E2F4: variants seen among roughly 807,000 people sequenced by gnomAD.
E2F4 encodes the protein transcription factor E2F4.
A neutral mutation model predicts 44.5 loss-of-function variants in E2F4; 16 were observed. The ratio of observed to expected loss-of-function variants is 0.36; its 90% CI spans 0.24 to 0.55. The LOEUF (loss-of-function observed/expected upper bound fraction) is 0.55. E2F4 is among the 20% of genes least tolerant of loss of function. The probability of loss-of-function intolerance (pLI) is 0.87; values close to 1 mark genes in which losing one functional copy is unlikely to be tolerated. For synonymous variants in E2F4, 242 were observed against 207.2 expected (o/e 1.17, Z -1.44); for missense variants, 473 against 522.1 (o/e 0.91, Z 0.92).
intron 1 of E2F4, 78 bp downstream of exon 1, chr16:67,192,440 C>T (rs1036690521): frequency 2.2e-6 from 3 of 1,387,374 alleles, no homozygotes; most frequent in African/African-American, 2.9e-5. Context: ...CGGGGGCGGC[C>T]CAGCTGGGTC....
intron 2 of E2F4, 31 bp downstream of exon 2, chr16:67,192,901 T>G (rs1228208415): frequency 1.4e-5 from 23 of 1,587,310 alleles, no homozygotes; most frequent in Non-Finnish European, 1.9e-5. Flanking sequence ...GGTAGTAGAG[T>G]CTCCCACCCA....
rs760143133 is a variant in E2F4 at position 67,198,203 on chromosome 16, C to T, written c.*80C>T. ...GCCTGGGGACCTCTCCCACCCGACC[C>T]CTACAGAGCTTGAGAGCCACAGACG... On this transcript the variant is annotated 3_prime_UTR_variant, in exon 10 of 10. Coordinates refer to ENST00000379378, the MANE Select transcript of E2F4 (RefSeq NM_001950.4). The T allele has an allele frequency of 7.7e-7, 1 of 1,293,100 alleles. No homozygotes were observed. The highest frequency in any genetic ancestry group is 1.2e-5 in the South Asian group (1 of 83,858). The allele number at this position is 1,293,100 out of a possible 1,614,324, so 80.1% of individuals were successfully genotyped here. A position where few individuals can be genotyped will look rare whatever the true frequency, so the allele number is the denominator to read the frequency against.
chr16:67,192,320 C>A lies in E2F4; in HGVS notation c.93C>A (p.Ser31=). 7.0e-7 allele frequency: 1 copy of A among 1,431,874 alleles called. No individual in the cohort carries two copies. Among genetic ancestry groups the A allele is most frequent in the East Asian group, 2.6e-5 (1 of 39,068 alleles). The allele number at this position is 1,431,874 out of a possible 1,614,324, so 88.7% of individuals were successfully genotyped here. ...GACTGCTCACCACCAAGTTCGTGTC[C>A]CTTCTGCAGGAGGCCAAGGACGGCG... ...SLGLLTTKFV[S]LLQEAKDGVL... is the part of the protein sequence containing the mutation. Residue 31 remains serine, a synonymous_variant, in exon 1 of 10, where the codon TCC becomes TCA. Transcript: ENST00000379378.
chr16:67,197,933 G>C lies in E2F4; in HGVS notation c.1126+22G>C, dbSNP rs1455433174. On this transcript the variant is annotated intron_variant, in intron 9 of 9. Coordinates refer to ENST00000379378, the MANE Select transcript of E2F4 (RefSeq NM_001950.4). ...GAAGGTGGGTGGCCCTGGAAGGTGG[G>C]AGTGGGTGTGGGCAGGGGTTGGGCT... 5 of 1,614,044 alleles carry C rather than the reference G, an allele frequency of 3.1e-6. No individual in the cohort carries two copies. The East Asian group carries it at 8.9e-5, about 29-fold the overall frequency.
chr16:67,196,077 A>C, intron 7 of E2F4, 71 bp downstream of exon 7: 1 of 1,595,288 alleles, frequency 6.3e-7, no homozygotes, highest in African/African-American at 1.3e-5. Context: ...AGAAAACAGA[A>C]TTGGGGATGG....
intron 4 of E2F4, chr16:67,193,889 G>T: frequency 3.3e-6 from 1 of 303,760 alleles, no homozygotes; most frequent in Non-Finnish European, 6.2e-6. Flanking sequence ...TGTTAGTTTA[G>T]TTGCATTGTG....
intron 6 of E2F4, among the ~76,000 whole-genome samples, chr16:67,195,236 G>T (rs1318031915): frequency 6.6e-6 from 1 of 152,242 alleles, no homozygotes; most frequent in Admixed American, 6.5e-5. Context: ...CCAAGCTCAA[G>T]AAATTTTCCT....
chr16:67,193,027 C>T lies in E2F4; in HGVS notation c.264C>T (p.Cys88=). ...GGCTCAGGGGTGTGGGGCCTGGCTG[C>T]AATACCCGGGAGATTGCTGACAAAC... ...SIQWKGVGPG[C]NTREIADKLI... The change falls in exon 3 of 10, where the codon TGC becomes TGT. Residue 88 remains cysteine, a synonymous_variant. Coordinates refer to ENST00000379378, the MANE Select transcript of E2F4 (RefSeq NM_001950.4). The T allele has an allele frequency of 6.4e-7, 1 of 1,571,782 alleles. No individual in the cohort carries two copies. Among genetic ancestry groups the T allele is most frequent in the African/African-American group, 1.3e-5 (1 of 74,192 alleles).
At chr16:67,194,483 G>A (rs377657577) in intron 5 of E2F4, 24 bp downstream of exon 5, 25 of 1,612,916 alleles carry the variant, frequency 1.5e-5, no homozygotes, top group Admixed American at 1.0e-4. Context: ...CCAGGCAGGC[G>A]GGGTCAGCTG....
chr16:67,197,816 G>A (rs1365554402), intron 8 of E2F4, 51 bp from the exon 9 acceptor site: 2 of 1,613,230 alleles, frequency 1.2e-6, no homozygotes, highest in Admixed American at 3.3e-5. Context: ...GCTTTGGTGG[G>A]TGGAGAGGTG....
At chr16:67,195,624 AT>A (rs2032954646) in intron 6 of E2F4, 157 bp from the exon 7 acceptor site, 3 of 1,455,746 alleles carry the variant, frequency 2.1e-6, no homozygotes, top group Non-Finnish European at 2.7e-6. Context: ...GTGGTGACTA[AT>A]TTCAGGTTAC....
chr16:67,193,318 C>T (rs2032917865), intron 3 of E2F4, 148 bp downstream of exon 3: 3 of 1,486,094 alleles, frequency 2.0e-6, no homozygotes. Context: ...CCTCCCCTTC[C>T]ACTCTTAGCC....
chr16:67,198,309 G>A lies in E2F4; in HGVS notation c.*186G>A. On this transcript the variant is annotated 3_prime_UTR_variant, in exon 10 of 10. Coordinates refer to ENST00000379378, the MANE Select transcript of E2F4 (RefSeq NM_001950.4). Reference sequence around the variant, plus strand: ...GTGCTGGCACTTCTGTGCTCGCAGAGCAGGGGAACAGGACTCAGCCCCCAT... The same window carrying A: ...GTGCTGGCACTTCTGTGCTCGCAGAACAGGGGAACAGGACTCAGCCCCCAT... The A allele has an allele frequency of 1.7e-6, 1 of 604,988 alleles. No homozygotes were observed. The highest frequency in any genetic ancestry group is 2.9e-6 in the Non-Finnish European group (1 of 339,172). 37.5% of individuals were successfully genotyped at this position (604,988 alleles called of 1,614,324 possible). A position where few individuals can be genotyped will look rare whatever the true frequency, so the allele number is the denominator to read the frequency against.
In E2F4 at chr16:67,194,905, C is replaced by T; in HGVS notation, c.733C>T (p.Pro245Ser). 6.2e-7 allele frequency: 1 copy of T among 1,614,208 alleles called. No homozygotes were observed. The highest frequency in any genetic ancestry group is 8.5e-7 in the Non-Finnish European group (1 of 1,180,040). ...CCAGGAAGCCTCACGTCCAAATAGT[C>T]CTCAGCTCACTCCCACTGCTGTCCC... is the stretch of plus-strand genomic sequence containing the variant. ...QSQEASRPNS[P>S]QLTPTAVPGS... Residue 245 changes from proline to serine, a missense_variant, in exon 6 of 10, where the codon CCT becomes TCT. Pro to Ser is a moderately conservative substitution (Grantham distance 74). Transcript: ENST00000379378.
chr16:67,197,484 C>T, intron 7 of E2F4, 115 bp from the exon 8 acceptor site: 1 of 1,066,048 alleles, frequency 9.4e-7, no homozygotes, highest in East Asian at 2.5e-5. Context: ...GGACCTACAT[C>T]TCCTTAGCTG....
chr16:67,192,290 C>A lies in E2F4; in HGVS notation c.63C>A (p.Ser21Arg). Residue 21 changes from serine (S) to arginine (R), a missense_variant, in exon 1 of 10, where the codon AGC (serine) becomes AGA (arginine). Ser to Arg is a moderately radical substitution (Grantham distance 110). Coordinates refer to ENST00000379378, the MANE Select transcript of E2F4 (RefSeq NM_001950.4). ...GCACTCCAAGCCGGCACGAAAAGAG[C>A]CTGGGACTGCTCACCACCAAGTTCG... is the stretch of plus-strand genomic sequence containing the variant. ...PPGTPSRHEK[S>R]LGLLTTKFVS... is the part of the protein sequence containing the mutation. 7.2e-7 allele frequency: 1 copy of A among 1,393,130 alleles called. No homozygotes were observed. Among genetic ancestry groups the A allele is most frequent in the Non-Finnish European group, 9.3e-7 (1 of 1,070,542 alleles). 86.3% of individuals were successfully genotyped at this position (1,393,130 alleles called of 1,614,324 possible). A position where few individuals can be genotyped will look rare whatever the true frequency, so the allele number is the denominator to read the frequency against.
intron 7 of E2F4, among the ~76,000 whole-genome samples, chr16:67,196,684 C>T (rs913776726): frequency 1.3e-5 from 2 of 152,210 alleles, no homozygotes; most frequent in Admixed American, 6.5e-5. Context: ...CTTCGGTGTC[C>T]ACCTGCCGTC....
intron 6 of E2F4, among the ~76,000 whole-genome samples, chr16:67,195,371 A>T (rs1419691152): frequency 1.3e-5 from 2 of 152,170 alleles, no homozygotes; most frequent in Non-Finnish European, 2.9e-5. Context: ...ACCTCAAATG[A>T]TCTGCCTGCC....
chr16:67,195,270 G>A (rs536669063), intron 6 of E2F4, among the ~76,000 whole-genome samples: 4 of 152,266 alleles, frequency 2.6e-5, no homozygotes, highest in Admixed American at 2.6e-4. Context: ...GAGTAGCTGG[G>A]ATTACAGGCG....
Sources: allele counts gnomAD v4.1 joint callset (sites outside exome capture counted in the v4.1 genomes callset), GRCh38; gene constraint gnomAD v4.1.1; transcripts MANE v1.5; gene names NCBI Gene and HGNC (gene_info 2026-07-23, HGNC 2026-07-21).